The following KIAA0825 variants were observed in gnomAD, a reference collection of about 807,000 sequenced individuals.
The protein encoded by KIAA0825 is uncharacterized protein KIAA0825.
KIAA0825 carries 119 observed loss-of-function variants against 147.6 expected under a neutral mutation model. The ratio of observed to expected loss-of-function variants is 0.81; its 90% confidence interval spans 0.69 to 0.94. The LOEUF (loss-of-function observed/expected upper bound fraction) is 0.94, where lower values mean the gene tolerates loss of function less well. Among genes scored for constraint, KIAA0825 ranks in the 40% least tolerant of loss-of-function variants. The pLI is 0.00. For synonymous variants in KIAA0825, 470 were observed against 518.1 expected, an observed-to-expected ratio of 0.91 and a Z score of 1.26; for missense variants, 1,381 against 1,472.7, an observed-to-expected ratio of 0.94 and a Z score of 1.02.
At chr5:94,234,310 G>T (rs1347884816) in intron 20 of KIAA0825, among the ~76,000 whole-genome samples, 1 of 151,770 alleles carries the variant, frequency 6.6e-6, no homozygotes, top group East Asian at 1.9e-4. Context: ...GGCGGAGCTT[G>T]CAGTGAGCCG....
chr5:94,513,496 T>C (rs1259302009), intron 5 of KIAA0825, among the ~76,000 whole-genome samples: 2 of 152,150 alleles, frequency 1.3e-5, no homozygotes, highest in African/African-American at 4.8e-5. Flanking sequence ...AGTTTGGTGT[T>C]TGCTAATTCT....
chr5:94,277,529 G>C (rs1256115354), intron 20 of KIAA0825, among the ~76,000 whole-genome samples: 1 of 152,180 alleles, frequency 6.6e-6, no homozygotes, highest in African/African-American at 2.4e-5. Flanking sequence ...CTGGTCATTA[G>C]AGAAATGCAA....
At chr5:94,174,773 C>T (rs918630164) in intron 20 of KIAA0825, among the ~76,000 whole-genome samples, 4 of 152,104 alleles carry the variant, frequency 2.6e-5, no homozygotes, top group African/African-American at 4.8e-5. Context: ...CAGTCCATTC[C>T]GTTTGATTTA....
At chr5:94,609,947 T>G (rs900485661) in intron 1 of KIAA0825, among the ~76,000 whole-genome samples, 1 of 152,172 alleles carries the variant, frequency 6.6e-6, no homozygotes, top group Admixed American at 6.5e-5. Flanking sequence ...TTGGAAGAAC[T>G]GAACTGCCAT....
intron 2 of KIAA0825, among the ~76,000 whole-genome samples, chr5:94,543,112 T>A (rs1321884461): frequency 6.6e-6 from 1 of 152,062 alleles, no homozygotes; most frequent in African/African-American, 2.4e-5. Flanking sequence ...AACTCATAGG[T>A]ATTTGAGGGT....
Position 94,159,074 on chromosome 5 carries a change from ATG to A in KIAA0825, c.3711-4952_3711-4951del, listed in dbSNP as rs577928271. Among the ~76,000 whole-genome samples the A allele has an allele frequency of 5.3e-5, 8 of 152,296 alleles. No individual in the cohort carries two copies. The East Asian group carries it at 1.5e-3, about 29-fold the overall frequency. ...AAGTAGTTTAACAACAGCAGGGCTG[ATG>A]ACTCTGTGGTTCTCTTGTCCTTTAC... On this transcript the variant is annotated intron_variant, in intron 20 of 20. Transcript: ENST00000682413.
chr5:94,577,293 A>T (rs576901909), intron 2 of KIAA0825, among the ~76,000 whole-genome samples: 1 of 152,248 alleles, frequency 6.6e-6, no homozygotes, highest in East Asian at 1.9e-4. Flanking sequence ...CGAGCTACTA[A>T]CAGAGTGGGA....
intron 2 of KIAA0825, chr5:94,570,794 A>T (rs1779829937): frequency 6.6e-6 from 1 of 152,364 alleles, no homozygotes; most frequent in Non-Finnish European, 1.5e-5. Context: ...CAAAGCTAAG[A>T]TTCTAATTTA....
intron 20 of KIAA0825, among the ~76,000 whole-genome samples, chr5:94,377,561 A>AT (rs1477181864): frequency 2.0e-5 from 3 of 152,224 alleles, no homozygotes; most frequent in African/African-American, 7.2e-5. Flanking sequence ...GGTGAGAACA[A>AT]AAGCAAAAAA....
chr5:94,290,360 C>T (rs1269834396), intron 20 of KIAA0825, among the ~76,000 whole-genome samples: 1 of 152,120 alleles, frequency 6.6e-6, no homozygotes, highest in Non-Finnish European at 1.5e-5. Flanking sequence ...GTTCAACTCC[C>T]ACTTATGAGT....
intron 15 of KIAA0825, among the ~76,000 whole-genome samples, chr5:94,409,628 A>G (rs1216456004): frequency 6.6e-6 from 1 of 152,210 alleles, no homozygotes; most frequent in Non-Finnish European, 1.5e-5. Context: ...AGCAAAAAAC[A>G]ACTATTGAGA....
chr5:94,482,875 C>G (rs1762645204), intron 6 of KIAA0825, among the ~76,000 whole-genome samples: 1 of 151,972 alleles, frequency 6.6e-6, no homozygotes, highest in Non-Finnish European at 1.5e-5. Context: ...GTTTGATAAT[C>G]CACAAATGTG....
chr5:94,317,976 T>C (rs1779801925), intron 20 of KIAA0825, among the ~76,000 whole-genome samples: 1 of 151,796 alleles, frequency 6.6e-6, no homozygotes. Flanking sequence ...TGGTTTGCTT[T>C]TTATAAAATA....
intron 20 of KIAA0825, among the ~76,000 whole-genome samples, chr5:94,247,712 T>C (rs2069297): frequency 0.3 from 45,963 of 152,066 alleles, 7,142 homozygotes; most frequent in South Asian, 0.42. Context: ...TAGTGTAAAG[T>C]TCAGAAGAAA....
intron 20 of KIAA0825, among the ~76,000 whole-genome samples, chr5:94,332,995 CAT>C (rs747624203): frequency 2.0e-5 from 3 of 152,090 alleles, no homozygotes; most frequent in African/African-American, 4.8e-5. Context: ...AGCTTTTTTT[CAT>C]ATGTTTATTG....
At chr5:94,491,374 C>A (rs1325580190) in intron 5 of KIAA0825, among the ~76,000 whole-genome samples, 1 of 152,044 alleles carries the variant, frequency 6.6e-6, no homozygotes, top group South Asian at 2.1e-4. Context: ...TAGGAACAAA[C>A]AATAAGCAGT....
chr5:94,244,293 A>T (rs536471333), intron 20 of KIAA0825, among the ~76,000 whole-genome samples: 1 of 152,296 alleles, frequency 6.6e-6, no homozygotes, highest in African/African-American at 2.4e-5. Context: ...TGTGTGAGAA[A>T]ATCATGGACT....
intron 1 of KIAA0825, chr5:94,594,100 C>A (rs1784831335): frequency 1.7e-5 from 9 of 544,384 alleles, no homozygotes; most frequent in South Asian, 6.9e-5. Context: ...GTTAGTGTTT[C>A]TTGGTTTCTC....
At chr5:94,268,538 A>T (rs1776838686) in intron 20 of KIAA0825, among the ~76,000 whole-genome samples, 1 of 152,138 alleles carries the variant, frequency 6.6e-6, no homozygotes, top group African/African-American at 2.4e-5. Flanking sequence ...CACAAATAGA[A>T]ACGGTGGCTC....
Sources: gnomAD v4.1 joint callset for allele counts (sites outside exome capture counted in the v4.1 genomes callset) on GRCh38, gnomAD v4.1.1 for gene constraint, MANE v1.5 for transcripts, NCBI Gene and HGNC (gene_info 2026-07-23, HGNC 2026-07-21) for gene names.